The following CD163L1 variants were observed in gnomAD, a reference collection of about 807,000 sequenced individuals.
The protein encoded by CD163L1 is scavenger receptor cysteine-rich type 1 protein M160.
CD163L1 carries 124 observed loss-of-function variants against 165.4 expected under a neutral mutation model. The ratio of observed to expected loss-of-function variants is 0.75; its 90% confidence interval spans 0.65 to 0.87. The LOEUF (loss-of-function observed/expected upper bound fraction) is 0.87. Among genes scored for constraint, CD163L1 ranks in the 40% least tolerant of loss-of-function variants. The pLI is 0.00. For missense variants in CD163L1, 1,525 were observed against 1,799.9 expected (o/e 0.85, Z 2.76); for synonymous variants, 585 against 662.2 (o/e 0.88, Z 1.79).
At position 7,374,593 on chromosome 12, in the gene CD163L1, C is replaced by T. The variant is rs201656623; in HGVS notation, c.3258G>A (p.Thr1086=). The T allele has an allele frequency of 3.1e-4, 494 of 1,614,196 alleles. 2 individuals carry two copies. Among genetic ancestry groups the T allele is most frequent in the South Asian group, 1.1e-3 (104 of 91,088 alleles). ...KLGCGVAFNA[T]VSAHFGEGSG... ...ACCCCTCCCCAAAGTGAGCAGAGAC[C>T]GTGGCATTGAAGGCCACTCCACAGC... Residue 1086 remains threonine, a synonymous_variant, in exon 13 of 20, where the codon ACG becomes ACA. Transcript: ENST00000313599. This position sits in a 1 kb window ranked among gnomAD's most constrained non-coding sequence, Gnocchi z 5.4.
chr12:7,375,626 T>A (rs1171049109), intron 10 of CD163L1, 31 bp from the exon 11 acceptor site: 8 of 1,610,192 alleles, frequency 5.0e-6, no homozygotes, highest in Admixed American at 1.7e-5. Context: ...AGAAGAGACA[T>A]CATGACTTAT....
chr12:7,421,207 G>GTA (rs755905887), intron 4 of CD163L1, among the ~76,000 whole-genome samples: 3 of 128,888 alleles, frequency 2.3e-5, no homozygotes, highest in Admixed American at 8.2e-5. Context: ...ATATATATGG[G>GTA]TATATATATG....
intron 4 of CD163L1, among the ~76,000 whole-genome samples, chr12:7,429,840 T>A (rs1948600689): frequency 6.6e-6 from 1 of 152,214 alleles, no homozygotes; most frequent in East Asian, 1.9e-4. Flanking sequence ...TCAAATTTTA[T>A]CATGGTAATT....
At chr12:7,357,577 A>C in intron 18 of CD163L1, 91 bp from the exon 19 acceptor site, 1 of 1,010,862 alleles carries the variant, frequency 9.9e-7, no homozygotes, top group Admixed American at 2.0e-5. Flanking sequence ...ATCAGCTGGG[A>C]AAGTATAATA....
intron 4 of CD163L1, among the ~76,000 whole-genome samples, chr12:7,425,000 G>A (rs986295941): frequency 5.3e-5 from 8 of 152,064 alleles, no homozygotes; most frequent in Non-Finnish European, 8.8e-5. Context: ...AAATTCATAT[G>A]GAACCAAAAA....
intron 2 of CD163L1, chr12:7,440,107 G>A (rs1376343206): frequency 3.7e-6 from 3 of 815,610 alleles, no homozygotes; most frequent in South Asian, 1.7e-5. Context: ...GACCAATGGC[G>A]GGCTTGGACC....
At chr12:7,407,808 G>GACAC (rs1174251700) in intron 4 of CD163L1, among the ~76,000 whole-genome samples, 6 of 109,282 alleles carry the variant, frequency 5.5e-5, no homozygotes, top group East Asian at 2.4e-4. Context: ...CACACACACA[G>GACAC]ACACACACAC....
chr12:7,443,668 T>C (rs995780156), intron 1 of CD163L1, among the ~76,000 whole-genome samples: 5 of 152,224 alleles, frequency 3.3e-5, no homozygotes, highest in African/African-American at 1.2e-4. Flanking sequence ...CAGTTAGTCC[T>C]TATAAGTCTT....
rs150841731 is a variant in CD163L1, at chr12:7,406,490, A to C, written c.1087+42T>G. 1.4e-4 allele frequency: 217 copies of C among 1,584,882 alleles called. 1 individual carries two copies. In the African/African-American group the frequency reaches 1.8e-3, roughly 13 times the overall value. On this transcript the variant is annotated intron_variant, in intron 5 of 19. Transcript: ENST00000313599. ...AGGGTTTGGTCCTAGTTCTCCAAAAAAGAAATTTTATCTGATGTAATCATG... is the reference window on the plus strand; with the variant it reads ...AGGGTTTGGTCCTAGTTCTCCAAAACAGAAATTTTATCTGATGTAATCATG...
intron 19 of CD163L1, 106 bp downstream of exon 19, chr12:7,357,274 G>T: frequency 1.5e-6 from 1 of 659,134 alleles, no homozygotes; most frequent in Non-Finnish European, 2.6e-6. Flanking sequence ...ATATGAACCA[G>T]TGACATAATA....
chr12:7,375,780 G>A lies in CD163L1; in HGVS notation c.2606C>T (p.Thr869Ile). 1 of 1,614,224 alleles carries A rather than the reference G, an allele frequency of 6.2e-7. No individual in the cohort carries two copies. Among genetic ancestry groups the A allele is most frequent in the Non-Finnish European group, 8.5e-7 (1 of 1,180,046 alleles). Residue 869 changes from threonine to isoleucine, a missense_variant, in exon 10 of 20, where the codon ACT becomes ATT. Thr to Ile is a moderately conservative substitution (Grantham distance 89). Transcript: ENST00000313599. The part of the protein sequence containing the change: ...AEKFQCEGSE[T>I]HLALCPIVQH... ...AACAATGGGGCATAATGCAAGGTGA[G>A]TTTCACTCCCTTCACACTGGAACTT... is the stretch of plus-strand genomic sequence containing the variant.
chr12:7,422,256 A>G (rs1422812083), intron 4 of CD163L1, among the ~76,000 whole-genome samples: 2 of 152,186 alleles, frequency 1.3e-5, no homozygotes. Flanking sequence ...CATCAACAAA[A>G]GAATGTCCAC....
At chr12:7,416,029 T>C (rs561964643) in intron 4 of CD163L1, among the ~76,000 whole-genome samples, 50 of 152,346 alleles carry the variant, frequency 3.3e-4, no homozygotes, top group African/African-American at 1.2e-3. Flanking sequence ...TGAACTAATT[T>C]ACACTCCCAT....
rs1162826186 is a variant in CD163L1 at position 7,421,496 on chromosome 12, TATGTACATATAC to T, written c.766+10908_766+10919del. On this transcript the variant is annotated intron_variant, in intron 4 of 19. Coordinates refer to ENST00000313599, the MANE Select transcript of CD163L1 (RefSeq NM_174941.6). Reference sequence around the variant, plus strand: ...ATACATATATGTACATATATACATATATGTACATATACATATACATATATGTACATATATACA... The same window carrying T: ...ATACATATATGTACATATATACATATATATACATATATGTACATATATACA... Among the ~76,000 whole-genome samples, 61 of 89,320 alleles carry T rather than the reference TATGTACATATAC, an allele frequency of 6.8e-4. 6 individuals are homozygous for T. In the East Asian group the frequency reaches 0.011, roughly 16 times the overall value. The allele number at this position is 89,320 out of a possible 152,430, so 58.6% of individuals were successfully genotyped here.
chr12:7,421,302 T>C (rs1948378303), intron 4 of CD163L1, among the ~76,000 whole-genome samples: 1 of 119,932 alleles, frequency 8.3e-6, no homozygotes, highest in African/African-American at 3.1e-5. Flanking sequence ...TGTATATATG[T>C]ATATATACAT....
chr12:7,387,542 T>G (rs183409966), intron 8 of CD163L1, among the ~76,000 whole-genome samples: 2 of 152,242 alleles, frequency 1.3e-5, no homozygotes, highest in Admixed American at 1.3e-4. Flanking sequence ...GCCATCCTTT[T>G]GATAATGAGT....
chr12:7,378,424 C>T (rs753848464), intron 9 of CD163L1, among the ~76,000 whole-genome samples: 1 of 152,150 alleles, frequency 6.6e-6, no homozygotes, highest in Non-Finnish European at 1.5e-5. Flanking sequence ...TTACAACCTT[C>T]AATGATTTAT....
intron 4 of CD163L1, among the ~76,000 whole-genome samples, chr12:7,423,165 A>T (rs1948471279): frequency 6.6e-6 from 1 of 152,164 alleles, no homozygotes; most frequent in African/African-American, 2.4e-5. Context: ...GAACCCCAGA[A>T]TTAAGAAGCA....
intron 8 of CD163L1, among the ~76,000 whole-genome samples, chr12:7,394,781 A>C (rs1388586920): frequency 6.6e-6 from 1 of 152,238 alleles, no homozygotes; most frequent in African/African-American, 2.4e-5. Flanking sequence ...AAAGTAGGCA[A>C]AGGATATGAA....
Sources: allele counts gnomAD v4.1 joint callset (sites outside exome capture counted in the v4.1 genomes callset), GRCh38; gene constraint gnomAD v4.1.1; non-coding constraint Gnocchi (gnomAD v3.1); transcripts MANE v1.5; gene names NCBI Gene and HGNC (gene_info 2026-07-23, HGNC 2026-07-21).